Variants in ARHGEF37 observed in about 807,000 individuals in gnomAD.
ARHGEF37 encodes the protein Rho guanine nucleotide exchange factor 37, also known as Rho guanine nucleotide exchange factor (GEF) 37.
A neutral mutation model predicts 71.1 loss-of-function variants in ARHGEF37; 55 were observed. That is an observed-to-expected ratio of 0.77 (90% CI 0.62 to 0.97). The LOEUF is 0.97. Among genes scored for constraint, ARHGEF37 ranks in the 50% least tolerant of loss-of-function variants. The pLI, the probability that ARHGEF37 is intolerant of heterozygous loss-of-function variation, is 0.00. For missense variants in ARHGEF37, 765 were observed against 836.8 expected (o/e 0.91, Z 1.06); for synonymous variants, 327 against 350.6 (o/e 0.93, Z 0.75).
Position 149,601,088 on chromosome 5 carries a change from G to A in ARHGEF37, c.187-20G>A. 6.2e-7 allele frequency: 1 copy of A among 1,604,690 alleles called. No homozygotes were observed. Among genetic ancestry groups the A allele is most frequent in the Non-Finnish European group, 8.5e-7 (1 of 1,172,652 alleles). ...TATGGAACTCCCAACCACCTCTCAT[G>A]GCTTCTTTGTTCCTTCCAGTTGCCG... On this transcript the variant is annotated intron_variant, in intron 2 of 12. Coordinates refer to ENST00000333677, the MANE Select transcript of ARHGEF37 (RefSeq NM_001001669.3).
At chr5:149,567,381 A>C (rs1762910062) in intron 1 of ARHGEF37, among the ~76,000 whole-genome samples, 1 of 152,226 alleles carries the variant, frequency 6.6e-6, no homozygotes, top group Non-Finnish European at 1.5e-5. Flanking sequence ...TGGTGTCCAC[A>C]AAGTTATTCC....
chr5:149,585,733 G>A (rs1763217368), intron 1 of ARHGEF37, among the ~76,000 whole-genome samples: 1 of 152,172 alleles, frequency 6.6e-6, no homozygotes, highest in East Asian at 1.9e-4. Flanking sequence ...TGGCCAGGCT[G>A]GTCTCGAACT....
intron 8 of ARHGEF37, 27 bp from the exon 9 acceptor site, chr5:149,621,706 G>T (rs374136566): frequency 1.9e-6 from 3 of 1,585,742 alleles, no homozygotes; most frequent in African/African-American, 2.7e-5. Context: ...CTCCTTTCCC[G>T]ACTCCCACGC....
At chr5:149,569,921 A>G (rs572868261) in intron 1 of ARHGEF37, among the ~76,000 whole-genome samples, 23 of 152,272 alleles carry the variant, frequency 1.5e-4, no homozygotes, top group Non-Finnish European at 2.2e-4. Context: ...GCACCTGACC[A>G]TATGTTTAAC....
chr5:149,621,957 C>T lies in ARHGEF37; in HGVS notation c.1230C>T (p.Asn410=). ...TAGTGGCTGAGCTCCCACAGTTTAA[C>T]CAGCTGGTCATGCAGTGGCTGGGCC... ...SLLVAELPQF[N]QLVMQWLGQI... The change falls in exon 9 of 13, where the codon AAC becomes AAT. Residue 410 remains asparagine (N), a synonymous_variant. Coordinates refer to ENST00000333677, the MANE Select transcript of ARHGEF37 (RefSeq NM_001001669.3). 6.2e-7 allele frequency: 1 copy of T among 1,614,242 alleles called. No homozygotes were observed. Among genetic ancestry groups the T allele is most frequent in the East Asian group, 2.2e-5 (1 of 44,886 alleles).
chr5:149,552,768 T>C (rs1409073284), intron 1 of ARHGEF37, among the ~76,000 whole-genome samples: 1 of 151,850 alleles, frequency 6.6e-6, no homozygotes, highest in African/African-American at 2.4e-5. Context: ...GAGGCGGAGG[T>C]TGCGGTGAGA....
intron 1 of ARHGEF37, among the ~76,000 whole-genome samples, chr5:149,561,637 A>G (rs546992841): frequency 3.8e-4 from 58 of 152,280 alleles, no homozygotes; most frequent in Non-Finnish European, 6.3e-4. Context: ...TGAGAAGCAC[A>G]AAAAAAGACT....
intron 7 of ARHGEF37, among the ~76,000 whole-genome samples, chr5:149,619,843 G>A (rs905332964): frequency 1.3e-5 from 2 of 152,204 alleles, no homozygotes; most frequent in Admixed American, 1.3e-4. Flanking sequence ...GCCGAGGCGG[G>A]AAGATCACTT....
intron 1 of ARHGEF37, among the ~76,000 whole-genome samples, chr5:149,595,510 G>T (rs145468402): frequency 1.3e-5 from 2 of 152,056 alleles, no homozygotes; most frequent in Non-Finnish European, 2.9e-5. Flanking sequence ...CATTATACAG[G>T]TCTGTATTTT....
intron 1 of ARHGEF37, among the ~76,000 whole-genome samples, chr5:149,576,128 C>T (rs1056595274): frequency 2.0e-5 from 3 of 152,186 alleles, no homozygotes; most frequent in Non-Finnish European, 4.4e-5. Context: ...GCCTGTAATC[C>T]CAGCTGCTCT....
chr5:149,603,725 C>T (rs183088860), intron 3 of ARHGEF37, among the ~76,000 whole-genome samples: 183 of 152,242 alleles, frequency 1.2e-3, no homozygotes, highest in Non-Finnish European at 3.1e-4. Flanking sequence ...CACCTGAGGT[C>T]AAGAGTTCGA....
Position 149,609,740 on chromosome 5 carries a change from C to T in ARHGEF37, c.458+45C>T, listed in dbSNP as rs73798250. On this transcript the variant is annotated intron_variant, in intron 4 of 12. Transcript: ENST00000333677. ...AGCACTCGCTCCTACCCCACTGACCCGGTTCAGGAGCAGCTATGGTCTCAC... is the reference window on the plus strand; with the variant it reads ...AGCACTCGCTCCTACCCCACTGACCTGGTTCAGGAGCAGCTATGGTCTCAC... 5.3e-3 allele frequency: 8,542 copies of T among 1,609,250 alleles called. 378 individuals carry two copies. In the African/African-American group the frequency reaches 0.092, roughly 17 times the overall value.
intron 10 of ARHGEF37, among the ~76,000 whole-genome samples, chr5:149,625,052 C>T (rs1051129783): frequency 2.0e-5 from 3 of 151,882 alleles, no homozygotes; most frequent in Non-Finnish European, 2.9e-5. Flanking sequence ...GCACCCACCA[C>T]TACGCCTGGC....
intron 1 of ARHGEF37, among the ~76,000 whole-genome samples, chr5:149,571,905 CAAA>C (rs150393350): frequency 7.7e-5 from 6 of 77,620 alleles, no homozygotes; most frequent in African/African-American, 1.5e-4. Flanking sequence ...GACCCTGTCT[CAAA>C]AAAAAAAAAA....
intron 10 of ARHGEF37, among the ~76,000 whole-genome samples, chr5:149,626,283 CA>C (rs1561810284): frequency 2.1e-5 from 3 of 141,122 alleles, no homozygotes; most frequent in Non-Finnish European, 3.1e-5. Flanking sequence ...CACACACACA[CA>C]CACGCCTCTC....
At chr5:149,594,226 T>G (rs186967626) in intron 1 of ARHGEF37, among the ~76,000 whole-genome samples, 2 of 152,348 alleles carry the variant, frequency 1.3e-5, no homozygotes, top group East Asian at 3.9e-4. Context: ...CTGTTGTAAG[T>G]CTTTAGTAGT....
In ARHGEF37 at chr5:149,609,609, C is replaced by G; in HGVS notation, c.372C>G (p.Ser124Arg). The G allele has an allele frequency of 3.7e-6, 6 of 1,613,886 alleles. No homozygotes were observed. Among genetic ancestry groups the G allele is most frequent in the East Asian group, 2.2e-5 (1 of 44,888 alleles). ...LEQVYKVYCASYDQALLLVDT... is the reference protein window; with the variant it reads ...LEQVYKVYCARYDQALLLVDT... ...AAGTCTATAAGGTCTACTGTGCCAG[C>G]TACGACCAGGCCTTGCTACTGGTGG... is the stretch of plus-strand genomic sequence containing the variant. The change falls in exon 4 of 13, where the codon AGC becomes AGG. Residue 124 changes from serine (S) to arginine (R), a missense_variant. Physicochemically the swap from Ser to Arg is moderately radical, Grantham distance 110. Transcript: ENST00000333677.
At position 149,565,829 on chromosome 5, in the gene ARHGEF37, A is replaced by ATTTTTTTTTTTT. The variant is rs201683478; in HGVS notation, c.-12+13730_-12+13741dup. Reference sequence around the variant, plus strand: ...TAGCTTTGTAATGTCAGAAACTCTAATTTTTTTTTTTTTTTTTTTTTTTTT... The same window carrying ATTTTTTTTTTTT: ...TAGCTTTGTAATGTCAGAAACTCTAATTTTTTTTTTTTTTTTTTTTTTTTTTTTTTTTTTTTT... On this transcript the variant is annotated intron_variant, in intron 1 of 2. Transcript: ENST00000505810. Among the ~76,000 whole-genome samples the ATTTTTTTTTTTT allele has an allele frequency of 2.8e-3, 238 of 84,498 alleles. 35 individuals are homozygous for ATTTTTTTTTTTT. Among genetic ancestry groups the ATTTTTTTTTTTT allele is most frequent in the Non-Finnish European group, 4.8e-3 (179 of 37,404 alleles). 55.4% of individuals were successfully genotyped at this position (84,498 alleles called of 152,430 possible). A position where few individuals can be genotyped will look rare whatever the true frequency, so the allele number is the denominator to read the frequency against.
At chr5:149,572,745 AC>A (rs1472372145) in intron 1 of ARHGEF37, among the ~76,000 whole-genome samples, 1 of 152,128 alleles carries the variant, frequency 6.6e-6, no homozygotes, top group Non-Finnish European at 1.5e-5. Context: ...CCTTAGGAGA[AC>A]AAAGACTGAC....
Sources: gnomAD v4.1 joint callset for allele counts (sites outside exome capture counted in the v4.1 genomes callset) on GRCh38, gnomAD v4.1.1 for gene constraint, MANE v1.5 for transcripts, NCBI Gene and HGNC (gene_info 2026-07-23, HGNC 2026-07-21) for gene names.